Variants in RELN observed in about 807,000 individuals in gnomAD.
RELN encodes the protein reelin.
Under a neutral mutation model 427.6 loss-of-function variants are expected in RELN, and 108 were observed. That is an observed-to-expected ratio of 0.25 (90% CI 0.22 to 0.30). RELN has a LOEUF of 0.30. Among genes scored for constraint, RELN ranks in the 10% least tolerant of loss-of-function variants. The pLI is 1.00. For synonymous variants in RELN, 1,524 were observed against 1,513.4 expected (o/e 1.01, Z -0.16); for missense variants, 3,715 against 4,302.8 (o/e 0.86, Z 3.82).
chr7:103,926,627 G>GTTTTTTTTTTTTTTTT (rs60259062), intron 1 of RELN, among the ~76,000 whole-genome samples: 3 of 99,476 alleles, frequency 3.0e-5, no homozygotes, highest in African/African-American at 7.1e-5. Context: ...AGTATCATAA[G>GTTTTTTTTTTTTTTTT]TTTTTTTTTT....
chr7:103,500,140 T>C (rs534892277), intron 53 of RELN, among the ~76,000 whole-genome samples: 2 of 152,344 alleles, frequency 1.3e-5, no homozygotes, highest in South Asian at 4.1e-4. Flanking sequence ...GCACTATGTT[T>C]ATTCACAGAA....
intron 1 of RELN, among the ~76,000 whole-genome samples, chr7:103,950,490 T>TA (rs1303207808): frequency 6.6e-6 from 1 of 152,196 alleles, no homozygotes; most frequent in Non-Finnish European, 1.5e-5. Context: ...AAAAGGCATA[T>TA]AAAACACTAA....
chr7:103,501,795 C>T (rs1829038067), intron 52 of RELN, among the ~76,000 whole-genome samples: 1 of 152,168 alleles, frequency 6.6e-6, no homozygotes, highest in Non-Finnish European at 1.5e-5. Flanking sequence ...CCATTTCACC[C>T]CAGATAATCC....
chr7:103,792,882 TG>T (rs1792202724), intron 3 of RELN, among the ~76,000 whole-genome samples: 1 of 152,152 alleles, frequency 6.6e-6, no homozygotes, highest in African/African-American at 2.4e-5. Flanking sequence ...ATAATAATAC[TG>T]GGGACAGTCT....
chr7:103,636,462 G>A lies in RELN; in HGVS notation c.2076C>T (p.Asp692=). The A allele has an allele frequency of 2.5e-6, 4 of 1,599,834 alleles. No individual in the cohort carries two copies. Among genetic ancestry groups the A allele is most frequent in the Non-Finnish European group, 3.4e-6 (4 of 1,167,392 alleles). ...GQCTRHGCKC[D]PGFSGPACEM... is the part of the protein sequence containing the mutation. The stretch of plus-strand genomic sequence containing the variant: ...CACAAGCTGGGCCAGAAAATCCAGG[G>A]TCACACCTGAAAGAAATATGGTGAA... The change falls in exon 18 of 65, where the codon GAC becomes GAT. Residue 692 remains aspartate (D), a synonymous_variant. Transcript: ENST00000428762.
At chr7:103,826,319 A>AGTGTGTGTGTGTGTGT (rs768090469) in intron 3 of RELN, among the ~76,000 whole-genome samples, 7,678 of 137,356 alleles carry the variant, frequency 0.056, 327 homozygotes, top group South Asian at 0.077. Context: ...AGACTAAGAC[A>AGTGTGTGTGTGTGTGT]ATGTGTGTGT....
rs564759732 is a variant in RELN at position 103,663,008 on chromosome 7, A to G, written c.1290-1481T>C. ...TGTACCCAAACTCTTTTGCCATACA[A>G]TGTGAATTCAAAGTCACTAAAACAT... On this transcript the variant is annotated intron_variant, in intron 11 of 64. Coordinates refer to ENST00000428762, the MANE Select transcript of RELN (RefSeq NM_005045.4). Among the ~76,000 whole-genome samples, 21 of 143,252 alleles carry G rather than the reference A, an allele frequency of 1.5e-4. No homozygotes were observed. In the East Asian group the frequency reaches 3.9e-3, roughly 26 times the overall value. The allele number at this position is 143,252 out of a possible 152,430, so 94.0% of individuals were successfully genotyped here. A position where few individuals can be genotyped will look rare whatever the true frequency, so the allele number is the denominator to read the frequency against.
At chr7:103,827,601 C>T (rs771420499) in intron 3 of RELN, among the ~76,000 whole-genome samples, 1 of 151,930 alleles carries the variant, frequency 6.6e-6, no homozygotes, top group Non-Finnish European at 1.5e-5. Context: ...CTTAGGCTTT[C>T]TCATTGTTCA....
chr7:103,533,424 T>G (rs1829982867), intron 46 of RELN, among the ~76,000 whole-genome samples: 6 of 152,128 alleles, frequency 3.9e-5, no homozygotes, highest in Admixed American at 3.9e-4. Flanking sequence ...AGTGTAGATA[T>G]GTTTACTCAT....
chr7:103,857,708 C>T (rs951107133), intron 2 of RELN, among the ~76,000 whole-genome samples: 10 of 152,172 alleles, frequency 6.6e-5, no homozygotes, highest in African/African-American at 2.2e-4. Flanking sequence ...TTACAGCTGA[C>T]ATCTAAGTGC....
At chr7:103,593,547 T>C (rs1443942224) in intron 27 of RELN, 135 bp downstream of exon 27, 2 of 788,652 alleles carry the variant, frequency 2.5e-6, no homozygotes, top group Middle Eastern at 6.8e-4. Context: ...ATTCTAACAC[T>C]GTTAAGCTTT....
At chr7:103,943,656 G>A (rs1796160016) in intron 1 of RELN, among the ~76,000 whole-genome samples, 1 of 151,892 alleles carries the variant, frequency 6.6e-6, no homozygotes, top group Non-Finnish European at 1.5e-5. Context: ...TTTGAGACCA[G>A]CTTGGCCAAC....
At chr7:103,983,673 A>C (rs1207523371) in intron 1 of RELN, among the ~76,000 whole-genome samples, 1 of 152,208 alleles carries the variant, frequency 6.6e-6, no homozygotes, top group Non-Finnish European at 1.5e-5. Flanking sequence ...TTTTGAAATG[A>C]AAATACTTAG....
intron 10 of RELN, among the ~76,000 whole-genome samples, chr7:103,694,272 T>C (rs1009691415): frequency 6.6e-6 from 1 of 152,098 alleles, no homozygotes; most frequent in African/African-American, 2.4e-5. Context: ...ACTCACTACT[T>C]GTGACAGCAA....
At chr7:103,691,789 G>T (rs770974521) in intron 10 of RELN, among the ~76,000 whole-genome samples, 51 of 151,982 alleles carry the variant, frequency 3.4e-4, no homozygotes, top group Middle Eastern at 3.4e-3. Flanking sequence ...CACTAGTCTG[G>T]GCAACACAGC....
intron 60 of RELN, among the ~76,000 whole-genome samples, chr7:103,487,979 A>G (rs2116992428): frequency 6.6e-6 from 1 of 152,264 alleles, no homozygotes; most frequent in Non-Finnish European, 1.5e-5. Context: ...CCCCATCTCT[A>G]CTAAAAATAC....
chr7:103,657,441 C>T (rs1833045468), intron 12 of RELN, among the ~76,000 whole-genome samples: 1 of 151,476 alleles, frequency 6.6e-6, no homozygotes, highest in Admixed American at 6.6e-5. Flanking sequence ...AAGGATTTAC[C>T]AAAAAAGGAC....
intron 6 of RELN, among the ~76,000 whole-genome samples, chr7:103,732,112 G>C (rs1374970107): frequency 6.6e-6 from 1 of 152,134 alleles, no homozygotes; most frequent in African/African-American, 2.4e-5. Flanking sequence ...GAAAATTGGA[G>C]ATGATCAGCT....
intron 6 of RELN, among the ~76,000 whole-genome samples, chr7:103,730,028 G>A (rs982449437): frequency 1.3e-5 from 2 of 152,046 alleles, no homozygotes; most frequent in Non-Finnish European, 2.9e-5. Context: ...AAAATTTATA[G>A]TAGGCTCCTT....
Sources: gnomAD v4.1 joint callset for allele counts (sites outside exome capture counted in the v4.1 genomes callset) on GRCh38, gnomAD v4.1.1 for gene constraint, MANE v1.5 for transcripts, NCBI Gene and HGNC (gene_info 2026-07-23, HGNC 2026-07-21) for gene names.